MTX1: variants seen among roughly 807,000 people sequenced by gnomAD.
The protein encoded by MTX1 is metaxin 1.
In MTX1, 20 loss-of-function variants were observed where a neutral mutation model predicts 39.4. That is an observed-to-expected ratio of 0.51 (90% CI 0.36 to 0.74). The LOEUF (loss-of-function observed/expected upper bound fraction) is 0.74. Ranked by LOEUF, MTX1 falls within the 30% of genes least tolerant of loss-of-function variation. The pLI, the probability that MTX1 is intolerant of heterozygous loss-of-function variation, is 0.00. For synonymous variants in MTX1, 209 were observed against 198.6 expected (o/e 1.05, Z -0.44); for missense variants, 481 against 485.9 (o/e 0.99, Z 0.10).
rs1670948397 is a variant in MTX1 at position 155,209,109 on chromosome 1, G to A, written c.305G>A (p.Arg102Gln). 2 of 1,542,790 alleles carry A rather than the reference G, an allele frequency of 1.3e-6. No homozygotes were observed. Among genetic ancestry groups the A allele is most frequent in the Non-Finnish European group, 8.7e-7 (1 of 1,143,346 alleles). ...GPVPRSSAAS[R>Q]ARRSLASPGI... ...GTCCCCCGCAGTTCAGCTGCCAGTC[G>A]GGCCAGAAGAAGCCTCGCCTCCCCG... The change falls in exon 1 of 8, where the codon CGG becomes CAG. Residue 102 changes from arginine (R) to glutamine (Q), a missense_variant. Arg to Gln is a conservative substitution (Grantham distance 43). Around this residue, in one of 2 missense-constraint regions of MTX1, gnomAD observed 368 missense variants for 332.8 expected, o/e 1.11. Transcript: ENST00000368376.
intron 1 of MTX1, 28 bp downstream of exon 1, chr1:155,209,360 T>C: frequency 7.2e-7 from 1 of 1,392,914 alleles, no homozygotes; most frequent in Non-Finnish European, 9.3e-7. Flanking sequence ...CGCCCTCTGC[T>C]GTGCCCTGAT....
rs184621691 is a variant in MTX1, at chr1:155,210,524, G to T, written c.599-24G>T. ...TGACTAGGCAGCTAAGGGTCTGGTTGGTATACTTCCCTCTCAATATCAGGA... is the reference window on the plus strand; with the variant it reads ...TGACTAGGCAGCTAAGGGTCTGGTTTGTATACTTCCCTCTCAATATCAGGA... On this transcript the variant is annotated intron_variant, in intron 2 of 7. Transcript: ENST00000368376. 7.8e-5 allele frequency: 126 copies of T among 1,612,822 alleles called. No individual in the cohort carries two copies. In the African/African-American group the frequency reaches 1.3e-3, roughly 16 times the overall value.
intron 1 of MTX1, 53 bp downstream of exon 1, chr1:155,209,385 C>T (rs927433780): frequency 1.5e-6 from 2 of 1,358,214 alleles, no homozygotes; most frequent in Non-Finnish European, 1.9e-6. Flanking sequence ...GGGGAGGGGG[C>T]CGAACTAGCC....
At position 155,208,701 on chromosome 1, in the gene MTX1, G is replaced by T. The variant is rs1670888670; in HGVS notation, c.-104G>T. On this transcript the variant is annotated 5_prime_UTR_variant, in exon 1 of 8. Transcript: ENST00000368376. ...GCCTCTCTTCCCCTCCCCCACCCAAGCCCCAGCCCGGCCTCCGCTCCGGCC... is the reference window on the plus strand; with the variant it reads ...GCCTCTCTTCCCCTCCCCCACCCAATCCCCAGCCCGGCCTCCGCTCCGGCC... 1.7e-5 allele frequency: 15 copies of T among 888,528 alleles called. No individual in the cohort carries two copies. Among genetic ancestry groups the T allele is most frequent in the Non-Finnish European group, 2.2e-5 (14 of 625,124 alleles). 55.0% of individuals were successfully genotyped at this position (888,528 alleles called of 1,614,324 possible).
At chr1:155,212,318 G>A (rs1671157372) in intron 4 of MTX1, 67 bp from the exon 5 acceptor site, 11 of 1,602,822 alleles carry the variant, frequency 6.9e-6, no homozygotes, top group Admixed American at 1.7e-5. Flanking sequence ...GGGGTCAGAA[G>A]CCCACCTTGA....
At position 155,209,123 on chromosome 1, in the gene MTX1, C is replaced by T; in HGVS notation, c.319C>T (p.Leu107Phe). The T allele has an allele frequency of 1.3e-6, 2 of 1,542,032 alleles. No individual in the cohort carries two copies. The highest frequency in any genetic ancestry group is 4.0e-5 in the Admixed American group (2 of 50,498). Reference sequence around the variant, plus strand: ...AGCTGCCAGTCGGGCCAGAAGAAGCCTCGCCTCCCCGGGGATCTCCCCAGG... The same window carrying T: ...AGCTGCCAGTCGGGCCAGAAGAAGCTTCGCCTCCCCGGGGATCTCCCCAGG... ...SSAASRARRS[L>F]ASPGISPGPL... is the part of the protein sequence containing the mutation. Residue 107 changes from leucine to phenylalanine, a missense_variant, in exon 1 of 8, where the codon CTC becomes TTC. Coordinates refer to ENST00000368376, the MANE Select transcript of MTX1 (RefSeq NM_002455.5).
Position 155,209,000 on chromosome 1 carries a change from C to T in MTX1, c.196C>T (p.Arg66Cys), listed in dbSNP as rs1307007028. 7 of 1,595,018 alleles carry T rather than the reference C, an allele frequency of 4.4e-6. No individual in the cohort carries two copies. In the East Asian group the frequency reaches 1.6e-4, roughly 36 times the overall value. ...TWTRRRDSPR[R>C]AGPTALSRYV... Reference sequence around the variant, plus strand: ...GACGAGGCGCCGTGACTCTCCGAGGCGCGCCGGGCCGACAGCGCTGTCCCG... The same window carrying T: ...GACGAGGCGCCGTGACTCTCCGAGGTGCGCCGGGCCGACAGCGCTGTCCCG... Residue 66 changes from arginine (R) to cysteine (C), a missense_variant, in exon 1 of 8, where the codon CGC (arginine) becomes TGC (cysteine). Coordinates refer to ENST00000368376, the MANE Select transcript of MTX1 (RefSeq NM_002455.5).
In MTX1 at chr1:155,208,713, C is replaced by A; in HGVS notation, c.-92C>A. The A allele has an allele frequency of 1.4e-6, 1 of 701,944 alleles. No individual in the cohort carries two copies. The highest frequency in any genetic ancestry group is 2.1e-6 in the Non-Finnish European group (1 of 471,808). The allele number at this position is 701,944 out of a possible 1,614,324, so 43.5% of individuals were successfully genotyped here. A position where few individuals can be genotyped will look rare whatever the true frequency, so the allele number is the denominator to read the frequency against. ...CTCCCCCACCCAAGCCCCAGCCCGG[C>A]CTCCGCTCCGGCCGCCGCCACCGCC... On this transcript the variant is annotated 5_prime_UTR_variant, in exon 1 of 8. Transcript: ENST00000368376.
At chr1:155,211,403 G>C (rs1671129640) in intron 3 of MTX1, 1 of 152,572 alleles carries the variant, frequency 6.6e-6, no homozygotes, top group Non-Finnish European at 1.5e-5. Flanking sequence ...GGCATTCAGA[G>C]AAAGAGATTC....
intron 4 of MTX1, 25 bp from the exon 5 acceptor site, chr1:155,212,360 G>A: frequency 8.7e-6 from 14 of 1,613,352 alleles, no homozygotes; most frequent in East Asian, 4.5e-5. Context: ...AGACCTACCT[G>A]TTTCTTCCTG....
In MTX1 at chr1:155,209,235, G is replaced by C; in HGVS notation, c.431G>C (p.Gly144Ala). 6.9e-7 allele frequency: 1 copy of C among 1,449,622 alleles called. No homozygotes were observed. The highest frequency in any genetic ancestry group is 9.1e-7 in the Non-Finnish European group (1 of 1,097,856). The allele number at this position is 1,449,622 out of a possible 1,614,324, so 89.8% of individuals were successfully genotyped here. A position where few individuals can be genotyped will look rare whatever the true frequency, so the allele number is the denominator to read the frequency against. ...RAEAHKEVFP[G>A]QRVGKMAAPM... ...GAAGCACACAAGGAAGTGTTTCCGG[G>C]ACAGAGGGTGGGCAAGATGGCGGCG... The change falls in exon 1 of 8, where the codon GGA (glycine) becomes GCA (alanine). Residue 144 changes from glycine (G) to alanine (A), a missense_variant. Physicochemically the swap from Gly to Ala is moderately conservative, Grantham distance 60 (BLOSUM62 0). Coordinates refer to ENST00000368376, the MANE Select transcript of MTX1 (RefSeq NM_002455.5).
rs1332327918 is a variant in MTX1, at chr1:155,209,184, G to C, written c.380G>C (p.Gly127Ala). Reference sequence around the variant, plus strand: ...GCAACGATCGGAGGGGCGGTGGCGGGGGGCGGGCCCAGGCAGGGGAGGGCA... The same window carrying C: ...GCAACGATCGGAGGGGCGGTGGCGGCGGGCGGGCCCAGGCAGGGGAGGGCA... Reference protein sequence around the residue: ...LTATIGGAVAGGGPRQGRAEA... With the variant: ...LTATIGGAVAAGGPRQGRAEA... Residue 127 changes from glycine (G) to alanine (A), a missense_variant, in exon 1 of 8, where the codon GGG becomes GCG. By Grantham distance (60) the Gly-to-Ala change is moderately conservative (BLOSUM62 0). Transcript: ENST00000368376. The C allele has an allele frequency of 6.8e-7, 1 of 1,478,908 alleles. No homozygotes were observed. Among genetic ancestry groups the C allele is most frequent in the Non-Finnish European group, 9.0e-7 (1 of 1,113,412 alleles). The allele number at this position is 1,478,908 out of a possible 1,614,324, so 91.6% of individuals were successfully genotyped here.
At position 155,209,106 on chromosome 1, in the gene MTX1, G is replaced by A. The variant is rs1670947676; in HGVS notation, c.302G>A (p.Ser101Asn). 3.2e-6 allele frequency: 5 copies of A among 1,543,322 alleles called. No individual in the cohort carries two copies. The African/African-American group carries it at 4.1e-5, about 13-fold the overall frequency. Reference protein sequence around the residue: ...RGPVPRSSAASRARRSLASPG... With the variant: ...RGPVPRSSAANRARRSLASPG... ...CCAGTCCCCCGCAGTTCAGCTGCCA[G>A]TCGGGCCAGAAGAAGCCTCGCCTCC... The change falls in exon 1 of 8, where the codon AGT becomes AAT. Residue 101 changes from serine (S) to asparagine (N), a missense_variant. Physicochemically the swap from Ser to Asn is conservative, Grantham distance 46. Coordinates refer to ENST00000368376, the MANE Select transcript of MTX1 (RefSeq NM_002455.5).
At chr1:155,210,895 G>A in intron 3 of MTX1, 1 of 504,452 alleles carries the variant, frequency 2.0e-6, no homozygotes, top group Non-Finnish European at 3.6e-6. Context: ...GCCTCTGATG[G>A]TGGGACTGGA....
chr1:155,210,959 T>A, intron 3 of MTX1: 2 of 376,850 alleles, frequency 5.3e-6, no homozygotes, highest in East Asian at 1.2e-4. Flanking sequence ...GGGCTAGATA[T>A]GGGGCTCAGG....
chr1:155,209,354 C>A, intron 1 of MTX1, 22 bp downstream of exon 1: 1 of 1,411,628 alleles, frequency 7.1e-7, no homozygotes. Context: ...CGCCGGCGCC[C>A]TCTGCTGTGC....
At chr1:155,209,622 AT>A (rs1557887911) in intron 1 of MTX1, among the ~76,000 whole-genome samples, 1 of 151,920 alleles carries the variant, frequency 6.6e-6, no homozygotes, top group Non-Finnish European at 1.5e-5. Context: ...CTCTTTGGGC[AT>A]TTTTTTTCTC....
At position 155,209,052 on chromosome 1, in the gene MTX1, G is replaced by A. The variant is rs1670940651; in HGVS notation, c.248G>A (p.Arg83Gln). 2 of 1,542,352 alleles carry A rather than the reference G, an allele frequency of 1.3e-6. No individual in the cohort carries two copies. Among genetic ancestry groups the A allele is most frequent in the Non-Finnish European group, 1.7e-6 (2 of 1,143,710 alleles). ...TACGTGGGCCACCTCTGGATGGGCC[G>A]GCGGCCGCCCTCCCCCGAGGCCCGC... ...SRYVGHLWMG[R>Q]RPPSPEARGP... The change falls in exon 1 of 8, where the codon CGG becomes CAG. Residue 83 changes from arginine to glutamine, a missense_variant. By Grantham distance (43) the Arg-to-Gln change is conservative. This residue lies in a region of MTX1 where 368 missense variants were observed against 332.8 expected (regional missense o/e 1.11). Transcript: ENST00000368376.
chr1:155,213,185 C>T, intron 6 of MTX1, 52 bp from the exon 7 acceptor site: 1 of 301,968 alleles, frequency 3.3e-6, no homozygotes, highest in South Asian at 3.2e-5. Context: ...CCATCTTTAC[C>T]CCTTCTACCC....
Sources: allele counts gnomAD v4.1 joint callset (sites outside exome capture counted in the v4.1 genomes callset), GRCh38; gene constraint gnomAD v4.1.1; regional missense constraint gnomAD v4.1.1; transcripts MANE v1.5; gene names NCBI Gene and HGNC (gene_info 2026-07-23, HGNC 2026-07-21).